Variants in ZNF704 observed in about 807,000 individuals in gnomAD.
The protein encoded by ZNF704 is glucocorticoid induced gene 1.
Under a neutral mutation model 44.7 loss-of-function variants are expected in ZNF704, and 10 were observed. That is an observed-to-expected ratio of 0.22 (90% CI 0.14 to 0.38). The LOEUF is 0.38. Among genes scored for constraint, ZNF704 ranks in the 10% least tolerant of loss-of-function variants. ZNF704 has a pLI of 1.00. For missense variants in ZNF704, 390 were observed against 545.5 expected (o/e 0.71, Z 2.84); for synonymous variants, 211 against 207.6 (o/e 1.02, Z -0.14).
intron 2 of ZNF704, among the ~76,000 whole-genome samples, chr8:80,778,619 A>G (rs1308816191): frequency 2.0e-5 from 3 of 152,044 alleles, no homozygotes; most frequent in Non-Finnish European, 2.9e-5. Flanking sequence ...ATGCCCACCA[A>G]CGGTAGACTG....
intron 2 of ZNF704, among the ~76,000 whole-genome samples, chr8:80,787,328 G>A (rs575144592): frequency 5.9e-5 from 9 of 152,092 alleles, no homozygotes; most frequent in East Asian, 1.9e-4. Context: ...CTACATGTGC[G>A]TGCACACACA....
intron 6 of ZNF704, among the ~76,000 whole-genome samples, chr8:80,662,768 T>G (rs1384595761): frequency 6.6e-6 from 1 of 152,214 alleles, no homozygotes; most frequent in Admixed American, 6.5e-5. Context: ...TCAATAATTA[T>G]TCTTCTGAGA....
chr8:80,647,188 T>C (rs986540581), intron 7 of ZNF704, among the ~76,000 whole-genome samples: 2 of 152,204 alleles, frequency 1.3e-5, no homozygotes, highest in African/African-American at 4.8e-5. Context: ...TCACACAAGA[T>C]CATTTTAGTG....
Position 80,640,891 on chromosome 8 carries a change from C to A in ZNF704, c.*475G>T, listed in dbSNP as rs966981106. 1 of 153,538 alleles carries A rather than the reference C, an allele frequency of 6.5e-6. No homozygotes were observed. The highest frequency in any genetic ancestry group is 6.4e-5 in the Admixed American group (1 of 15,510). The allele number at this position is 153,538 out of a possible 1,614,324, so 9.5% of individuals were successfully genotyped here. On this transcript the variant is annotated 3_prime_UTR_variant, in exon 9 of 9. Transcript: ENST00000327835. ...GCTCCAAGAAGTCAAATGGAAGATACGGAAAAGATTATTCACAACAAAAGT... is the reference window on the plus strand; with the variant it reads ...GCTCCAAGAAGTCAAATGGAAGATAAGGAAAAGATTATTCACAACAAAAGT...
intron 1 of ZNF704, among the ~76,000 whole-genome samples, chr8:80,829,727 T>C (rs1032463793): frequency 6.6e-6 from 1 of 152,190 alleles, no homozygotes; most frequent in Non-Finnish European, 1.5e-5. Context: ...TATAGTAATA[T>C]ACAACAAAGC....
chr8:80,696,266 C>A (rs926780607), intron 2 of ZNF704, among the ~76,000 whole-genome samples: 1 of 152,154 alleles, frequency 6.6e-6, no homozygotes. Context: ...AACCTTAAGA[C>A]TCATGTTTGC....
At chr8:80,811,497 A>G (rs898611627) in intron 2 of ZNF704, among the ~76,000 whole-genome samples, 1 of 152,156 alleles carries the variant, frequency 6.6e-6, no homozygotes, top group Non-Finnish European at 1.5e-5. Flanking sequence ...AATAACTACC[A>G]TCCCCATATA....
chr8:80,841,087 G>GC (rs952424879), intron 1 of ZNF704, among the ~76,000 whole-genome samples: 2 of 152,188 alleles, frequency 1.3e-5, no homozygotes, highest in Admixed American at 1.3e-4. Flanking sequence ...ACCCCGCACT[G>GC]CCTCCCACCA....
chr8:80,703,871 G>A (rs1004975752), intron 2 of ZNF704, among the ~76,000 whole-genome samples: 8 of 152,194 alleles, frequency 5.3e-5, no homozygotes, highest in Admixed American at 4.6e-4. Flanking sequence ...CATAGAACAC[G>A]TATCTGAAAA....
At chr8:80,881,124 A>G in the ZNF704 span, among the ~76,000 whole-genome samples, 3 of 152,244 alleles carry the variant, frequency 2.0e-5, no homozygotes, top group Admixed American at 6.5e-5. Context: ...AGTGTGTGCA[A>G]TGCAGTTGCC....
intron 1 of ZNF704, among the ~76,000 whole-genome samples, chr8:80,824,775 T>C (rs188715031): frequency 2.6e-5 from 4 of 152,312 alleles, no homozygotes; most frequent in East Asian, 3.9e-4. Flanking sequence ...ATATCCAACA[T>C]TGTTAAAGAA....
chr8:80,696,741 T>C (rs200678238), intron 2 of ZNF704, among the ~76,000 whole-genome samples: 1 of 152,230 alleles, frequency 6.6e-6, no homozygotes, highest in African/African-American at 2.4e-5. Flanking sequence ...TTTGAAATAT[T>C]TGCATATATA....
intron 2 of ZNF704, among the ~76,000 whole-genome samples, chr8:80,753,152 C>T (rs1806976452): frequency 6.6e-6 from 1 of 152,142 alleles, no homozygotes; most frequent in Non-Finnish European, 1.5e-5. Flanking sequence ...CTCCTAAATC[C>T]TAAAGAATAA....
At chr8:80,865,585 T>C (rs1389505491) in intron 1 of ZNF704, among the ~76,000 whole-genome samples, 1 of 152,252 alleles carries the variant, frequency 6.6e-6, no homozygotes, top group Non-Finnish European at 1.5e-5. Flanking sequence ...CTGGGTTTAA[T>C]TTAAAATGTT....
Position 80,650,257 on chromosome 8 carries a change from T to TCCTCC in ZNF704, c.1033-7133_1033-7129dup, listed in dbSNP as rs1817895258. ...GAAACTCTAAAAATCAGAGCGCCTC[T>TCCTCC]CCTCCTCCAAAGGAACGCAGCGCAG... On this transcript the variant is annotated intron_variant, in intron 7 of 8. Coordinates refer to ENST00000327835, the MANE Select transcript of ZNF704 (RefSeq NM_001033723.3). Among the ~76,000 whole-genome samples, 4 of 152,216 alleles carry TCCTCC rather than the reference T, an allele frequency of 2.6e-5. No individual in the cohort carries two copies. The South Asian group carries it at 6.2e-4, about 24-fold the overall frequency.
rs113360555 is a variant in ZNF704, at chr8:80,716,080, G to GA, written c.222-22974dup. Among the ~76,000 whole-genome samples the GA allele has an allele frequency of 2.0e-3, 252 of 127,290 alleles. 1 individual carries two copies. The highest frequency in any genetic ancestry group is 0.017 in the South Asian group (68 of 3,950). 83.5% of individuals were successfully genotyped at this position (127,290 alleles called of 152,430 possible). On this transcript the variant is annotated intron_variant, in intron 2 of 8. Transcript: ENST00000327835. ...GGGCGACAAAGTGAGACTCTGTCTC[G>GA]AAAAAAAAAAAAAAGAATTATTGAG...
chr8:80,701,471 G>A (rs1818809175), intron 2 of ZNF704, among the ~76,000 whole-genome samples: 1 of 151,904 alleles, frequency 6.6e-6, no homozygotes, highest in African/African-American at 2.4e-5. Flanking sequence ...TCGCAGGGAG[G>A]TTAGCATGGT....
intron 1 of ZNF704, among the ~76,000 whole-genome samples, chr8:80,839,925 C>T (rs1799507045): frequency 6.6e-6 from 1 of 152,268 alleles, no homozygotes; most frequent in South Asian, 2.1e-4. Context: ...CTGTTAGAAG[C>T]ATGACTTGAG....
At chr8:80,720,458 T>C (rs1250478150) in intron 2 of ZNF704, among the ~76,000 whole-genome samples, 1 of 152,264 alleles carries the variant, frequency 6.6e-6, no homozygotes, top group African/African-American at 2.4e-5. Flanking sequence ...CTCTGTTTTG[T>C]AGCCACAGGA....
Sources: gnomAD v4.1 joint callset for allele counts (sites outside exome capture counted in the v4.1 genomes callset) on GRCh38, gnomAD v4.1.1 for gene constraint, MANE v1.5 for transcripts, NCBI Gene and HGNC (gene_info 2026-07-23, HGNC 2026-07-21) for gene names.